MNS1: variants seen among roughly 807,000 people sequenced by gnomAD.
The protein encoded by MNS1 is meiosis specific nuclear structural 1, also known as meiosis-specific nuclear structural protein 1.
A neutral mutation model predicts 72.0 loss-of-function variants in MNS1; 63 were observed. That is an observed-to-expected ratio of 0.87 (90% CI 0.71 to 1.08). The LOEUF (loss-of-function observed/expected upper bound fraction) is 1.08. Among genes scored for constraint, MNS1 ranks in the 50% least tolerant of loss-of-function variants. MNS1 has a pLI of 0.00. For missense variants in MNS1, 604 were observed against 562.4 expected (o/e 1.07, Z -0.75); for synonymous variants, 188 against 172.1 (o/e 1.09, Z -0.72).
intron 7 of MNS1, 74 bp downstream of exon 7, chr15:56,443,356 C>G: frequency 9.2e-7 from 1 of 1,090,720 alleles, no homozygotes; most frequent in Non-Finnish European, 1.3e-6. Flanking sequence ...TTTAAATGTA[C>G]TATCTCTTTT....
intron 4 of MNS1, among the ~76,000 whole-genome samples, chr15:56,445,508 G>A (rs959787285): frequency 1.3e-5 from 2 of 151,982 alleles, no homozygotes; most frequent in African/African-American, 4.8e-5. Context: ...TGACGTCACT[G>A]AAGCCTTTAA....
At chr15:56,430,496 A>G (rs1163676984) in intron 9 of MNS1, among the ~76,000 whole-genome samples, 9 of 152,168 alleles carry the variant, frequency 5.9e-5, no homozygotes, top group African/African-American at 1.9e-4. Context: ...ATGAGTTGCC[A>G]TGCCCAGCCA....
chr15:56,443,467 T>C lies in MNS1; in HGVS notation c.974A>G (p.Gln325Arg). The change falls in exon 7 of 10, where the codon CAG (glutamine) becomes CGG (arginine). Residue 325 changes from glutamine to arginine, a missense_variant. Coordinates refer to ENST00000260453, the MANE Select transcript of MNS1 (RefSeq NM_018365.4). ...CTTATATATTTCAGCTTGTTCTTCC[T>C]GGTATAATTCTTGTCGCACTTGTTC... is the stretch of plus-strand genomic sequence containing the variant. ...DLEQVRQELYQEEQAEIYKSK... is the reference protein window; with the variant it reads ...DLEQVRQELYREEQAEIYKSK... 1.3e-6 allele frequency: 2 copies of C among 1,595,018 alleles called. No homozygotes were observed. The highest frequency in any genetic ancestry group is 3.6e-5 in the Admixed American group (2 of 55,678).
rs1047305743 is a variant in MNS1, at chr15:56,464,567, C to T, written c.4-320G>A. Among the ~76,000 whole-genome samples the T allele has an allele frequency of 2.5e-5, 3 of 119,378 alleles. 1 individual carries two copies. The highest frequency in any genetic ancestry group is 1.0e-4 in the Admixed American group (1 of 9,726). 78.3% of individuals were successfully genotyped at this position (119,378 alleles called of 152,430 possible). A position where few individuals can be genotyped will look rare whatever the true frequency, so the allele number is the denominator to read the frequency against. On this transcript the variant is annotated intron_variant, in intron 1 of 9. Transcript: ENST00000260453. ...TTACTACCACCAGGGAATTTCTCCT[C>T]CCCTCATTCCACCCACCACCACCAC...
At chr15:56,436,984 C>T (rs558176089) in intron 7 of MNS1, among the ~76,000 whole-genome samples, 33 of 152,214 alleles carry the variant, frequency 2.2e-4, no homozygotes, top group African/African-American at 7.0e-4. Context: ...CAAAAAAAGT[C>T]CAGGACCAGA....
intron 2 of MNS1, among the ~76,000 whole-genome samples, chr15:56,461,662 A>G (rs1294796203): frequency 1.0e-5 from 1 of 97,468 alleles, no homozygotes; most frequent in East Asian, 4.9e-4. Flanking sequence ...CTCTGTCTCA[A>G]AAAAAAAAAA....
chr15:56,450,727 T>G (rs1295080152), intron 3 of MNS1, among the ~76,000 whole-genome samples: 1 of 152,174 alleles, frequency 6.6e-6, no homozygotes, highest in African/African-American at 2.4e-5. Flanking sequence ...TATACAAGTA[T>G]CCATTTAAGT....
At chr15:56,437,773 G>C (rs1229103151) in intron 7 of MNS1, among the ~76,000 whole-genome samples, 4 of 152,122 alleles carry the variant, frequency 2.6e-5, no homozygotes, top group Admixed American at 2.6e-4. Context: ...CAAAGTCTCA[G>C]GATACAAAAT....
chr15:56,443,359 T>C (rs1335843121), intron 7 of MNS1, 71 bp downstream of exon 7: 1 of 1,129,856 alleles, frequency 8.9e-7, no homozygotes, highest in East Asian at 2.5e-5. Context: ...AAATGTACTA[T>C]CTCTTTTCTG....
Position 56,431,454 on chromosome 15 carries a change from T to C in MNS1, c.1314A>G (p.Gly438=), listed in dbSNP as rs1596250195. ...CTTCTTCAATAATTGCATTAATAAA[T>C]CCTTGCCGCCTTTGCTGCAACTGCC... ...EEWQLQQRRQ[G]FINAIIEEER... is the part of the protein sequence containing the mutation. Residue 438 remains glycine (G), a synonymous_variant, in exon 9 of 10, where the codon GGA becomes GGG. Coordinates refer to ENST00000260453, the MANE Select transcript of MNS1 (RefSeq NM_018365.4). 6.2e-7 allele frequency: 1 copy of C among 1,613,690 alleles called. No homozygotes were observed. Among genetic ancestry groups the C allele is most frequent in the Non-Finnish European group, 8.5e-7 (1 of 1,179,888 alleles).
At chr15:56,433,269 G>T (rs2050648300) in intron 8 of MNS1, among the ~76,000 whole-genome samples, 1 of 136,508 alleles carries the variant, frequency 7.3e-6, no homozygotes. Context: ...GGGTGGGGGG[G>T]ACAAGGGGAA....
chr15:56,438,763 T>C (rs964831142), intron 7 of MNS1, among the ~76,000 whole-genome samples: 3 of 152,076 alleles, frequency 2.0e-5, no homozygotes, highest in Non-Finnish European at 4.4e-5. Context: ...AGGGGTAATA[T>C]CCAGAATCTA....
chr15:56,439,366 A>G (rs2050781023), intron 7 of MNS1, among the ~76,000 whole-genome samples: 1 of 152,118 alleles, frequency 6.6e-6, no homozygotes, highest in African/African-American at 2.4e-5. Flanking sequence ...TTCAATACCT[A>G]TCAAAATCCC....
chr15:56,443,719 A>G lies in MNS1; in HGVS notation c.822T>C (p.Ala274=). 6.2e-7 allele frequency: 1 copy of G among 1,613,304 alleles called. No homozygotes were observed. The highest frequency in any genetic ancestry group is 8.5e-7 in the Non-Finnish European group (1 of 1,179,674). ...CTTCTTCTCTTTGCTGCTGCATGTT[A>G]GCAAACTCTATGATTTTTCTGTTTT... ...EEENRKIIEF[A]NMQQQREEDR... The change falls in exon 6 of 10, where the codon GCT becomes GCC. Residue 274 remains alanine (A), a synonymous_variant. Transcript: ENST00000260453.
chr15:56,462,323 C>T (rs2051028788), intron 2 of MNS1, among the ~76,000 whole-genome samples: 1 of 152,074 alleles, frequency 6.6e-6, no homozygotes, highest in African/African-American at 2.4e-5. Context: ...GTGGAGAAAC[C>T]AGACTGTCTT....
chr15:56,444,845 A>G (rs570175126), intron 4 of MNS1, among the ~76,000 whole-genome samples, 172 bp from the exon 5 acceptor site: 44 of 152,202 alleles, frequency 2.9e-4, no homozygotes, highest in African/African-American at 9.1e-4. Context: ...GGTGTGAACA[A>G]TAAGTCAGAC....
At chr15:56,431,811 T>G (rs1475661454) in intron 8 of MNS1, among the ~76,000 whole-genome samples, 1 of 152,030 alleles carries the variant, frequency 6.6e-6, no homozygotes, top group African/African-American at 2.4e-5. Context: ...ATTTACTGAA[T>G]GCTTACCATA....
intron 3 of MNS1, among the ~76,000 whole-genome samples, chr15:56,456,022 A>C (rs2140376163): frequency 6.6e-6 from 1 of 152,278 alleles, no homozygotes; most frequent in Non-Finnish European, 1.5e-5. Flanking sequence ...GTACTGAAAC[A>C]CAGGCTCCAC....
chr15:56,448,560 A>G (rs762621797), intron 3 of MNS1, among the ~76,000 whole-genome samples: 10 of 152,160 alleles, frequency 6.6e-5, no homozygotes, highest in Non-Finnish European at 1.2e-4. Flanking sequence ...TGCAAAGGAC[A>G]TAATTTCATT....
Sources: allele counts gnomAD v4.1 joint callset (sites outside exome capture counted in the v4.1 genomes callset), GRCh38; gene constraint gnomAD v4.1.1; transcripts MANE v1.5; gene names NCBI Gene and HGNC (gene_info 2026-07-23, HGNC 2026-07-21).